Variants in NAPEPLD observed in about 807,000 individuals in gnomAD.
NAPEPLD encodes the protein N-acyl-phosphatidylethanolamine-hydrolyzing phospholipase D.
NAPEPLD carries 23 observed loss-of-function variants against 38.1 expected under a neutral mutation model. The ratio of observed to expected loss-of-function variants is 0.60; its 90% CI spans 0.43 to 0.86. The LOEUF is 0.86. Ranked by LOEUF, NAPEPLD falls within the 40% of genes least tolerant of loss-of-function variation. The pLI is 0.00. For synonymous variants in NAPEPLD, 147 were observed against 162.0 expected (o/e 0.91, Z 0.71); for missense variants, 411 against 476.8 (o/e 0.86, Z 1.28).
upstream of NAPEPLD, chr7:103,149,556 CCT>C (rs917404694): frequency 5.1e-6 from 6 of 1,175,280 alleles, no homozygotes; most frequent in African/African-American, 8.3e-5. Flanking sequence ...GCGGTGGCCT[CCT>C]TCAGGCTGCC....
chr7:103,134,058 G>A (rs1179657203), intron 1 of NAPEPLD, among the ~76,000 whole-genome samples: 1 of 152,174 alleles, frequency 6.6e-6, no homozygotes, highest in Admixed American at 6.5e-5. Flanking sequence ...TAGGTCACAC[G>A]TTATACATGA....
chr7:103,137,942 C>G (rs1470713266), intron 1 of NAPEPLD, among the ~76,000 whole-genome samples: 1 of 150,898 alleles, frequency 6.6e-6, no homozygotes, highest in Non-Finnish European at 1.5e-5. Flanking sequence ...ACTTGAAATG[C>G]GTCCTAAATA....
chr7:103,121,164 AGCT>A (rs1002567955), intron 2 of NAPEPLD, among the ~76,000 whole-genome samples: 15 of 152,168 alleles, frequency 9.9e-5, no homozygotes, highest in African/African-American at 3.6e-4. Flanking sequence ...TCCTGTGAGA[AGCT>A]GATCACTGAG....
At chr7:103,115,952 T>C (rs1585844094) in intron 3 of NAPEPLD, among the ~76,000 whole-genome samples, 1 of 152,334 alleles carries the variant, frequency 6.6e-6, no homozygotes, top group African/African-American at 2.4e-5. Flanking sequence ...GCCATGGCCA[T>C]TTATAAACTG....
chr7:103,149,905 A>G (rs946484110), upstream of NAPEPLD, among the ~76,000 whole-genome samples: 2 of 152,180 alleles, frequency 1.3e-5, no homozygotes, highest in Non-Finnish European at 2.9e-5. Context: ...TAGCGAAGAA[A>G]CTAAACTCTA....
At chr7:103,117,516 T>G (rs1805804355) in intron 3 of NAPEPLD, among the ~76,000 whole-genome samples, 1 of 152,218 alleles carries the variant, frequency 6.6e-6, no homozygotes, top group Non-Finnish European at 1.5e-5. Context: ...TGACAGGAGA[T>G]TCCCTAAAGT....
Position 103,101,329 on chromosome 7 carries a change from CACACACATT to C in NAPEPLD, c.*2091_*2099del, listed in dbSNP as rs1236308752. 4 of 152,256 alleles carry C rather than the reference CACACACATT, an allele frequency of 2.6e-5. No homozygotes were observed. Among genetic ancestry groups the C allele is most frequent in the Non-Finnish European group, 5.9e-5 (4 of 68,012 alleles). 9.4% of individuals were successfully genotyped at this position (152,256 alleles called of 1,614,324 possible). A position where few individuals can be genotyped will look rare whatever the true frequency, so the allele number is the denominator to read the frequency against. On this transcript the variant is annotated 3_prime_UTR_variant, in exon 5 of 5. Transcript: ENST00000465647. ...CACATATGTTCGCATACATCATATA[CACACACATT>C]GCATACACATTTCCCCTTGACTGAT... is the stretch of plus-strand genomic sequence containing the variant.
chr7:103,140,597 G>A (rs745436482), intron 1 of NAPEPLD, among the ~76,000 whole-genome samples: 1 of 151,886 alleles, frequency 6.6e-6, no homozygotes. Context: ...GTTTCACCAT[G>A]TTAGCCAGGA....
At position 103,119,665 on chromosome 7, in the gene NAPEPLD, T is replaced by G; in HGVS notation, c.853A>C (p.Thr285Pro). Residue 285 changes from threonine to proline, a missense_variant, in exon 3 of 5, where the codon ACT becomes CCT. By Grantham distance (38) the Thr-to-Pro change is conservative. Coordinates refer to ENST00000465647, the MANE Select transcript of NAPEPLD (RefSeq NM_001122838.3). Reference sequence around the variant, plus strand: ...TCTTCAAAAGCAGGGCAATAACCAGTATCTCCTGCGAAAAAAAATCGATTC... The same window carrying G: ...TCTTCAAAAGCAGGGCAATAACCAGGATCTCCTGCGAAAAAAAATCGATTC... ...PWNRFFFAGDTGYCPAFEEIG... is the reference protein window; with the variant it reads ...PWNRFFFAGDPGYCPAFEEIG... The G allele has an allele frequency of 6.2e-7, 1 of 1,614,162 alleles. No homozygotes were observed. The highest frequency in any genetic ancestry group is 8.5e-7 in the Non-Finnish European group (1 of 1,180,018).
rs114309988 is a variant in NAPEPLD, at chr7:103,139,755, G to C, written c.-17+9056C>G. The stretch of plus-strand genomic sequence containing the variant: ...GGAGAAAAATGACAAAAAAATAAAC[G>C]AACAGTGAGACTTTTACAGGGAAAC... On this transcript the variant is annotated intron_variant, in intron 1 of 4. Coordinates refer to ENST00000465647, the MANE Select transcript of NAPEPLD (RefSeq NM_001122838.3). 6.8e-3 allele frequency among the ~76,000 whole-genome samples: 1,032 copies of C among 152,168 alleles called. 23 individuals are homozygous for C. The highest frequency in any genetic ancestry group is 0.024 in the African/African-American group (978 of 41,518).
At chr7:103,139,302 C>T (rs1337449268) in intron 1 of NAPEPLD, among the ~76,000 whole-genome samples, 1 of 152,070 alleles carries the variant, frequency 6.6e-6, no homozygotes, top group Admixed American at 6.5e-5. Context: ...AATATGAACC[C>T]CTGACCTCCA....
rs1353832196 is a variant in NAPEPLD, at chr7:103,148,480, AC to A, written c.-17+330del. Among the ~76,000 whole-genome samples, 548 of 151,012 alleles carry A rather than the reference AC, an allele frequency of 3.6e-3. 5 individuals are homozygous for A. The highest frequency in any genetic ancestry group is 0.013 in the African/African-American group (540 of 41,106). On this transcript the variant is annotated intron_variant, in intron 1 of 4. Transcript: ENST00000465647. Reference sequence around the variant, plus strand: ...AAAAAAAAAAAAAAGGAAAAAACAAACAAACAAAACAACAACAACAAAAACC... The same window carrying A: ...AAAAAAAAAAAAAAGGAAAAAACAAAAAACAAAACAACAACAACAAAAACC...
chr7:103,139,346 A>G (rs1810732073), intron 1 of NAPEPLD, among the ~76,000 whole-genome samples: 1 of 152,234 alleles, frequency 6.6e-6, no homozygotes, highest in African/African-American at 2.4e-5. Flanking sequence ...AAAAATCATA[A>G]GAAACCATAT....
intron 1 of NAPEPLD, chr7:103,141,659 G>A (rs563224006): frequency 1.3e-5 from 12 of 914,622 alleles, no homozygotes; most frequent in Admixed American, 3.4e-5. Context: ...CCTCATCCAC[G>A]TGACCTTCTC....
chr7:103,107,227 CAT>C (rs1255901961), intron 4 of NAPEPLD, among the ~76,000 whole-genome samples: 15 of 152,124 alleles, frequency 9.9e-5, no homozygotes, highest in Admixed American at 9.8e-4. Flanking sequence ...GACGTCCACT[CAT>C]AGAGCCCACC....
chr7:103,128,305 G>T, intron 2 of NAPEPLD, 178 bp downstream of exon 2: 1 of 674,316 alleles, frequency 1.5e-6, no homozygotes. Context: ...ACCAGATCAG[G>T]GTTGGTTATT....
Position 103,119,620 on chromosome 7 carries a change from G to C in NAPEPLD, c.898C>G (p.Pro300Ala). The change falls in exon 3 of 5, where the codon CCT becomes GCT. Residue 300 changes from proline (P) to alanine (A), a missense_variant. By Grantham distance (27) the Pro-to-Ala change is conservative (BLOSUM62 -1). Transcript: ENST00000465647. Reference protein sequence around the residue: ...AFEEIGKRFGPFDLAAIPIGA... With the variant: ...AFEEIGKRFGAFDLAAIPIGA... ...ATGGGAATAGCTGCAAGGTCAAAAGGTCCAAATCTTTTTCCTATCTCTTCA... is the reference window on the plus strand; with the variant it reads ...ATGGGAATAGCTGCAAGGTCAAAAGCTCCAAATCTTTTTCCTATCTCTTCA... The C allele has an allele frequency of 6.2e-7, 1 of 1,614,042 alleles. No homozygotes were observed. The highest frequency in any genetic ancestry group is 8.5e-7 in the Non-Finnish European group (1 of 1,180,020).
At chr7:103,117,512 G>A (rs1255240670) in intron 3 of NAPEPLD, among the ~76,000 whole-genome samples, 2 of 152,186 alleles carry the variant, frequency 1.3e-5, no homozygotes, top group East Asian at 1.9e-4. Flanking sequence ...CTGGTGACAG[G>A]AGATTCCCTA....
At position 103,119,631 on chromosome 7, in the gene NAPEPLD, T is replaced by C. The variant is rs1806223603; in HGVS notation, c.887A>G (p.Lys296Arg). 1.2e-6 allele frequency: 2 copies of C among 1,614,150 alleles called. No individual in the cohort carries two copies. The highest frequency in any genetic ancestry group is 2.2e-5 in the East Asian group (1 of 44,882). The change falls in exon 3 of 5, where the codon AAA becomes AGA. Residue 296 changes from lysine to arginine, a missense_variant. Physicochemically the swap from Lys to Arg is conservative, Grantham distance 26 (BLOSUM62 2). Coordinates refer to ENST00000465647, the MANE Select transcript of NAPEPLD (RefSeq NM_001122838.3). ...TGCAAGGTCAAAAGGTCCAAATCTT[T>C]TTCCTATCTCTTCAAAAGCAGGGCA... ...GYCPAFEEIG[K>R]RFGPFDLAAI...
Sources: gnomAD v4.1 joint callset for allele counts (sites outside exome capture counted in the v4.1 genomes callset) on GRCh38, gnomAD v4.1.1 for gene constraint, MANE v1.5 for transcripts, NCBI Gene and HGNC (gene_info 2026-07-23, HGNC 2026-07-21) for gene names.